CD8A: variants seen among roughly 807,000 people sequenced by gnomAD.
CD8A encodes CD8 subunit alpha.
In CD8A, 25 loss-of-function variants were observed where a neutral mutation model predicts 24.2. The ratio of observed to expected loss-of-function variants is 1.03; its 90% confidence interval spans 0.75 to 1.44. The LOEUF (loss-of-function observed/expected upper bound fraction) is 1.44. Ranked by LOEUF, CD8A falls within the 40% of genes most tolerant of loss-of-function variation. CD8A has a pLI of 0.00. For synonymous variants in CD8A, 165 were observed against 149.9 expected (o/e 1.10, Z -0.74); for missense variants, 360 against 319.7 (o/e 1.13, Z -0.96).
chr2:86,801,215 T>G (rs927394009), intron 3 of CD8A, among the ~76,000 whole-genome samples: 1 of 152,248 alleles, frequency 6.6e-6, no homozygotes, highest in African/African-American at 2.4e-5. Flanking sequence ...GGCAAACTAA[T>G]ACAGCAACTA....
chr2:86,791,812 G>A, upstream of CD8A: 1 of 378,022 alleles, frequency 2.6e-6, no homozygotes, highest in South Asian at 2.0e-5. Context: ...CCTGCGCTCT[G>A]TGCTTTCACG....
In CD8A at chr2:86,787,898, A is replaced by AGAGAGAGAGAGTGTGTGTGTGT. The variant is rs369993109; in HGVS notation, c.656+631_656+632insACACACACACACTCTCTCTCTC. ...TTAACAGAGAGGGAGAGAGAGAGAG[A>AGAGAGAGAGAGTGTGTGTGTGT]GTGTGTGTGTGTGTGTGTGTGTGTG... On this transcript the variant is annotated intron_variant, in intron 5 of 5. Coordinates refer to ENST00000283635, the MANE Select transcript of CD8A (RefSeq NM_001768.7). Among the ~76,000 whole-genome samples the AGAGAGAGAGAGTGTGTGTGTGT allele has an allele frequency of 5.9e-3, 851 of 144,536 alleles. 9 individuals are homozygous for AGAGAGAGAGAGTGTGTGTGTGT. Among genetic ancestry groups the AGAGAGAGAGAGTGTGTGTGTGT allele is most frequent in the African/African-American group, 0.021 (810 of 38,928 alleles). The allele number at this position is 144,536 out of a possible 152,430, so 94.8% of individuals were successfully genotyped here.
intron 2 of CD8A, among the ~76,000 whole-genome samples, chr2:86,805,839 C>T (rs1212562632): frequency 6.6e-6 from 1 of 152,146 alleles, no homozygotes; most frequent in African/African-American, 2.4e-5. Context: ...CTGTCCTACT[C>T]ACAGTAAAGG....
In CD8A at chr2:86,785,171, T is replaced by C. The variant is rs970719694; in HGVS notation, c.*749A>G. ...CTGGGAGAGCAATTCCGCCTCCACA[T>C]AGGGGTTTCACAGAGATTTTCTTTA... On this transcript the variant is annotated 3_prime_UTR_variant, in exon 6 of 6. Coordinates refer to ENST00000283635, the MANE Select transcript of CD8A (RefSeq NM_001768.7). 2.2e-5 allele frequency: 10 copies of C among 453,876 alleles called. No homozygotes were observed. The highest frequency in any genetic ancestry group is 8.0e-5 in the African/African-American group (4 of 49,950). The allele number at this position is 453,876 out of a possible 1,614,324, so 28.1% of individuals were successfully genotyped here.
chr2:86,801,598 T>C (rs2104459715), exon 3 of CD8A: 1 of 152,160 alleles, frequency 6.6e-6, no homozygotes, highest in African/African-American at 2.4e-5. Flanking sequence ...TCCATCCACC[T>C]TGGCCTCCAA....
chr2:86,795,565 G>A (rs768995307), upstream of CD8A, among the ~76,000 whole-genome samples: 17 of 152,194 alleles, frequency 1.1e-4, no homozygotes, highest in Non-Finnish European at 2.1e-4. Context: ...CTGGCTTGCT[G>A]GGATCTGTTC....
At chr2:86,786,988 C>G (rs1245818714) in intron 5 of CD8A, among the ~76,000 whole-genome samples, 3 of 114,304 alleles carry the variant, frequency 2.6e-5, no homozygotes, top group African/African-American at 1.1e-4. Flanking sequence ...CCACTGCACT[C>G]AAGCCTGGGC....
At chr2:86,808,288 A>G (rs994169933) in exon 1 of CD8A, 1 of 151,922 alleles carries the variant, frequency 6.6e-6, no homozygotes, top group Non-Finnish European at 1.5e-5. Flanking sequence ...GGTACAGGGA[A>G]GGGTCGCCCG....
chr2:86,800,558 C>T (rs557638386), intron 3 of CD8A, among the ~76,000 whole-genome samples: 7 of 152,228 alleles, frequency 4.6e-5, no homozygotes, highest in Admixed American at 2.0e-4. Flanking sequence ...CCAACACTTT[C>T]CAAGTTAATC....
intron 3 of CD8A, among the ~76,000 whole-genome samples, chr2:86,796,750 C>G (rs1358556675): frequency 1.3e-5 from 2 of 152,216 alleles, no homozygotes; most frequent in Non-Finnish European, 2.9e-5. Context: ...AACCAACTAT[C>G]AGGCCTCCCA....
rs1673167903 is a variant in CD8A at position 86,789,409 on chromosome 2, G to A, written c.539C>T (p.Ala180Val). 6.2e-7 allele frequency: 1 copy of A among 1,613,896 alleles called. No homozygotes were observed. Among genetic ancestry groups the A allele is most frequent in the East Asian group, 2.2e-5 (1 of 44,866 alleles). ...GGGCGCCCAGATGTAGATATCACAG[G>A]CGAAGTCCAGCCCCCTCGTGTGCAC... ...GAVHTRGLDFACDIYIWAPLA... is the reference protein window; with the variant it reads ...GAVHTRGLDFVCDIYIWAPLA... Residue 180 changes from alanine (A) to valine (V), a missense_variant, in exon 4 of 6, where the codon GCC becomes GTC. Coordinates refer to ENST00000283635, the MANE Select transcript of CD8A (RefSeq NM_001768.7).
At chr2:86,805,176 G>T (rs1026860712) in intron 2 of CD8A, among the ~76,000 whole-genome samples, 14 of 152,000 alleles carry the variant, frequency 9.2e-5, no homozygotes, top group Non-Finnish European at 1.5e-4. Context: ...AAAGGAAAAA[G>T]GTTTAATGAC....
rs754568225 is a variant in CD8A at position 86,789,710 on chromosome 2, C to T, written c.444G>A (p.Pro148=). The change falls in exon 3 of 6, where the codon CCG becomes CCA. Residue 148 remains proline, a synonymous_variant. Coordinates refer to ENST00000283635, the MANE Select transcript of CD8A (RefSeq NM_001768.7). ...TTTPAPRPPT[P]APTIASQPLS... The stretch of plus-strand genomic sequence containing the variant: ...GGGGCTGCGACGCGATGGTGGGCGC[C>T]GGTGTTGGTGGTCGCGGCGCTGGCG... The T allele has an allele frequency of 6.5e-6, 9 of 1,390,804 alleles. No homozygotes were observed. Among genetic ancestry groups the T allele is most frequent in the African/African-American group, 1.5e-5 (1 of 66,492 alleles). The allele number at this position is 1,390,804 out of a possible 1,614,324, so 86.2% of individuals were successfully genotyped here.
chr2:86,795,328 C>T (rs1673446478), upstream of CD8A, among the ~76,000 whole-genome samples: 1 of 152,140 alleles, frequency 6.6e-6, no homozygotes, highest in African/African-American at 2.4e-5. Flanking sequence ...TCAGGAAAGG[C>T]TTCACATATA....
chr2:86,791,203 G>GGGC (rs1673295051), upstream of CD8A: 2 of 458,016 alleles, frequency 4.4e-6, no homozygotes, highest in Admixed American at 6.0e-5. Context: ...CAAGAAGTGA[G>GGGC]GGCGAGAGTA....
chr2:86,806,497 A>T (rs1241695236), intron 2 of CD8A, among the ~76,000 whole-genome samples: 1 of 152,206 alleles, frequency 6.6e-6, no homozygotes, highest in East Asian at 1.9e-4. Context: ...GGACAGACTG[A>T]AGAGGATTTC....
chr2:86,790,935 G>C (rs1177339212), upstream of CD8A: 3 of 1,040,230 alleles, frequency 2.9e-6, no homozygotes, highest in Non-Finnish European at 4.3e-6. Context: ...CCGGCCCGGA[G>C]CCTGATTTCG....
chr2:86,788,680 C>T, intron 4 of CD8A, 120 bp from the exon 5 acceptor site: 2 of 866,180 alleles, frequency 2.3e-6, no homozygotes, highest in South Asian at 2.8e-5. Flanking sequence ...TACAAAAAAT[C>T]ATTTCAGAAC....
chr2:86,789,834 G>A, intron 2 of CD8A, 84 bp from the exon 3 acceptor site: 3 of 782,782 alleles, frequency 3.8e-6, no homozygotes, highest in Non-Finnish European at 5.4e-6. Flanking sequence ...CTTTCCCCAC[G>A]GGGACGCCTC....
Sources: gnomAD v4.1 joint callset for allele counts (sites outside exome capture counted in the v4.1 genomes callset) on GRCh38, gnomAD v4.1.1 for gene constraint, MANE v1.5 for transcripts, NCBI Gene and HGNC (gene_info 2026-07-23, HGNC 2026-07-21) for gene names.